The following SLC17A7 variants were observed in gnomAD, a reference collection of about 807,000 sequenced individuals.
SLC17A7 encodes vesicular glutamate transporter 1.
Under a neutral mutation model 59.1 loss-of-function variants are expected in SLC17A7, and 15 were observed. The observed-to-expected ratio is 0.25, with a 90% confidence interval of 0.17 to 0.39. The LOEUF (loss-of-function observed/expected upper bound fraction) is 0.39. Among genes scored for constraint, SLC17A7 ranks in the 10% least tolerant of loss-of-function variants. The pLI, the probability that SLC17A7 is intolerant of heterozygous loss-of-function variation, is 1.00. For synonymous variants in SLC17A7, 353 were observed against 308.9 expected (o/e 1.14, Z -1.50); for missense variants, 499 against 765.1 (o/e 0.65, Z 4.10).
At position 49,434,662 on chromosome 19, in the gene SLC17A7, T is replaced by G; in HGVS notation, c.577A>C (p.Ile193Leu). 6.2e-7 allele frequency: 1 copy of G among 1,613,948 alleles called. No individual in the cohort carries two copies. The highest frequency in any genetic ancestry group is 8.5e-7 in the Non-Finnish European group (1 of 1,179,958). The change falls in exon 5 of 12, where the codon ATC (isoleucine) becomes CTC (leucine). Residue 193 changes from isoleucine to leucine, a missense_variant. Physicochemically the swap from Ile to Leu is conservative, Grantham distance 5. Transcript: ENST00000221485. ...AAGGGTGGGGCCCATTTGCTCCAGA[T>G]CCCATGGCAGGCGGGGTATGTGACC... ...EGVTYPACHGIWSKWAPPLER... is the reference protein window; with the variant it reads ...EGVTYPACHGLWSKWAPPLER...
At position 49,430,991 on chromosome 19, in the gene SLC17A7, C is replaced by G. The variant is rs1319333425; in HGVS notation, c.1389+24G>C. On this transcript the variant is annotated intron_variant, in intron 11 of 11. Coordinates refer to ENST00000221485, the MANE Select transcript of SLC17A7 (RefSeq NM_020309.4). ...TACGAAGCACACACTTGGAGGCAGA[C>G]TGAGTCAGGACTGCGGCACCCACCT... 4 of 1,592,812 alleles carry G rather than the reference C, an allele frequency of 2.5e-6. No homozygotes were observed. The South Asian group carries it at 3.4e-5, about 13-fold the overall frequency.
At chr19:49,440,597 G>T (rs1023022173) in intron 1 of SLC17A7, among the ~76,000 whole-genome samples, 2 of 152,214 alleles carry the variant, frequency 1.3e-5, no homozygotes, top group Non-Finnish European at 2.9e-5. Flanking sequence ...CAGGGACCCA[G>T]GGTGCTGTGA....
Position 49,433,704 on chromosome 19 carries a change from C to G in SLC17A7, c.867+22G>C. 6.2e-7 allele frequency: 1 copy of G among 1,614,128 alleles called. No individual in the cohort carries two copies. The highest frequency in any genetic ancestry group is 1.1e-5 in the South Asian group (1 of 91,076). On this transcript the variant is annotated intron_variant, in intron 7 of 11. Transcript: ENST00000221485. This position sits in a 1 kb window ranked among gnomAD's most constrained non-coding sequence, Gnocchi z 5.7. ...GGCTTGCTATCTCTCCCCGCCCCTT[C>G]CCCGAAGATTTGGTCCCGGACCGTG...
At chr19:49,434,262 C>T (rs1284490624) in intron 5 of SLC17A7, among the ~76,000 whole-genome samples, 4 of 151,096 alleles carry the variant, frequency 2.6e-5, no homozygotes, top group Non-Finnish European at 5.9e-5. Flanking sequence ...AGGCCCCCAG[C>T]TCCTCCTCCC....
chr19:49,433,811 G>T lies in SLC17A7; in HGVS notation c.782C>A (p.Ala261Glu), dbSNP rs754436792. The T allele has an allele frequency of 1.2e-6, 2 of 1,613,892 alleles. No individual in the cohort carries two copies. Among genetic ancestry groups the T allele is most frequent in the Admixed American group, 1.7e-5 (1 of 60,012 alleles). Residue 261 changes from alanine (A) to glutamate (E), a missense_variant, in exon 7 of 12, where the codon GCG becomes GAG. This residue lies in a region of SLC17A7 where 323 missense variants were observed against 607.2 expected (regional missense o/e 0.53). Coordinates refer to ENST00000221485, the MANE Select transcript of SLC17A7 (RefSeq NM_020309.4). The surrounding 1 kb of genome is among the most constrained non-coding windows in gnomAD (Gnocchi z 5.7). ...CTCCTCCGAGATGCTGGGGTGCAGC[G>T]CGGGGGACTCGTAGGAGACGAGCAG... The part of the protein sequence containing the change: ...FWLLVSYESP[A>E]LHPSISEEER...
At position 49,429,409 on chromosome 19, in the gene SLC17A7, A is replaced by G. The variant is rs937520305; in HGVS notation, c.*1110T>C. On this transcript the variant is annotated 3_prime_UTR_variant, in exon 12 of 12. Transcript: ENST00000221485. The stretch of plus-strand genomic sequence containing the variant: ...CAGCCAAGAACAACTGAGCCTATAC[A>G]CCAAAGCTTTTATTGGGAGTGGGGC... The G allele has an allele frequency of 3.5e-5, 14 of 399,188 alleles. No homozygotes were observed. The highest frequency in any genetic ancestry group is 1.8e-4 in the African/African-American group (9 of 48,732). The allele number at this position is 399,188 out of a possible 1,614,324, so 24.7% of individuals were successfully genotyped here.
In SLC17A7 at chr19:49,430,372, A is replaced by G; in HGVS notation, c.*147T>C. The G allele has an allele frequency of 1.7e-6, 1 of 575,160 alleles. No homozygotes were observed. Among genetic ancestry groups the G allele is most frequent in the East Asian group, 3.1e-5 (1 of 31,916 alleles). 35.6% of individuals were successfully genotyped at this position (575,160 alleles called of 1,614,324 possible). On this transcript the variant is annotated 3_prime_UTR_variant, in exon 12 of 12. Transcript: ENST00000221485. ...CCTGAGAGGCAATTGGGAAGGAAAG[A>G]GGATTTGACAGCACTGGGAACAAGG...
At chr19:49,432,310 G>T (rs2078963632) in intron 9 of SLC17A7, among the ~76,000 whole-genome samples, 3 of 152,022 alleles carry the variant, frequency 2.0e-5, no homozygotes, top group South Asian at 4.2e-4. Flanking sequence ...CCTTCCGCGC[G>T]GTGGCCCCTT....
intron 1 of SLC17A7, 102 bp downstream of exon 1, chr19:49,441,216 T>G: frequency 1.3e-6 from 2 of 1,529,030 alleles, no homozygotes; most frequent in Non-Finnish European, 1.8e-6. Flanking sequence ...TGGACCCCCA[T>G]GCCGGGGTAT....
chr19:49,430,925 G>A lies in SLC17A7; in HGVS notation c.1389+90C>T, dbSNP rs530524415. ...GACCCAGGGAGGCTGAAAAGGCAGG[G>A]ATGGCACCCCAGAGACAGTGCCACC... On this transcript the variant is annotated intron_variant, in intron 11 of 11. Transcript: ENST00000221485. 8.4e-6 allele frequency: 13 copies of A among 1,553,914 alleles called. No homozygotes were observed. The African/African-American group carries it at 1.6e-4, about 19-fold the overall frequency.
At position 49,436,682 on chromosome 19, in the gene SLC17A7, C is replaced by T; in HGVS notation, c.182G>A (p.Arg61His). 3 of 1,613,854 alleles carry T rather than the reference C, an allele frequency of 1.9e-6. No homozygotes were observed. The highest frequency in any genetic ancestry group is 1.7e-6 in the Non-Finnish European group (2 of 1,179,982). The change falls in exon 2 of 12, where the codon CGC becomes CAC. Residue 61 changes from arginine (R) to histidine (H), a missense_variant. Physicochemically the swap from Arg to His is conservative, Grantham distance 29 (BLOSUM62 0). Around this residue, in one of 3 missense-constraint regions of SLC17A7, gnomAD observed 323 missense variants for 607.2 expected, o/e 0.53. Coordinates refer to ENST00000221485, the MANE Select transcript of SLC17A7 (RefSeq NM_020309.4). This position sits in a 1 kb window ranked among gnomAD's most constrained non-coding sequence, Gnocchi z 4.1. ...VVDCTCFGLP[R>H]RYIIAIMSGL... The stretch of plus-strand genomic sequence containing the variant: ...ACTCATGATGGCGATAATGTAGCGG[C>T]GAGGGAGGCCGAAGCAGGTGCAGTC...
In SLC17A7 at chr19:49,436,674, T is replaced by C. The variant is rs150068240; in HGVS notation, c.190A>G (p.Ile64Val). 9.0e-5 allele frequency: 146 copies of C among 1,613,820 alleles called. No homozygotes were observed. Among genetic ancestry groups the C allele is most frequent in the Non-Finnish European group, 1.2e-4 (137 of 1,179,972 alleles). Reference sequence around the variant, plus strand: ...CCCAGACCACTCATGATGGCGATAATGTAGCGGCGAGGGAGGCCGAAGCAG... The same window carrying C: ...CCCAGACCACTCATGATGGCGATAACGTAGCGGCGAGGGAGGCCGAAGCAG... ...CTCFGLPRRYIIAIMSGLGFC... is the reference protein window; with the variant it reads ...CTCFGLPRRYVIAIMSGLGFC... Residue 64 changes from isoleucine to valine, a missense_variant, in exon 2 of 12, where the codon ATT (isoleucine) becomes GTT (valine). By Grantham distance (29) the Ile-to-Val change is conservative (BLOSUM62 3). This residue lies in a region of SLC17A7 where 323 missense variants were observed against 607.2 expected (regional missense o/e 0.53). Coordinates refer to ENST00000221485, the MANE Select transcript of SLC17A7 (RefSeq NM_020309.4). This position sits in a 1 kb window ranked among gnomAD's most constrained non-coding sequence, Gnocchi z 4.1.
chr19:49,433,401 C>T lies in SLC17A7; in HGVS notation c.867+325G>A. On this transcript the variant is annotated intron_variant, in intron 7 of 11. Transcript: ENST00000221485. The surrounding 1 kb of genome is among the most constrained non-coding windows in gnomAD (Gnocchi z 5.7). Reference sequence around the variant, plus strand: ...AAGCCACTGAGCCTGCCCTAGGAGTCTCTTTTTATCAAAAATGCTCCCAAA... The same window carrying T: ...AAGCCACTGAGCCTGCCCTAGGAGTTTCTTTTTATCAAAAATGCTCCCAAA... The T allele has an allele frequency of 2.1e-6, 1 of 473,106 alleles. No homozygotes were observed. The highest frequency in any genetic ancestry group is 3.9e-6 in the Non-Finnish European group (1 of 255,478). 29.3% of individuals were successfully genotyped at this position (473,106 alleles called of 1,614,324 possible).
Position 49,436,612 on chromosome 19 carries a change from G to C in SLC17A7, c.252C>G (p.Gly84=), listed in dbSNP as rs778279990. The C allele has an allele frequency of 1.9e-6, 3 of 1,614,000 alleles. No individual in the cohort carries two copies. Among genetic ancestry groups the C allele is most frequent in the South Asian group, 2.2e-5 (2 of 91,078 alleles). Residue 84 remains glycine (G), a synonymous_variant, in exon 2 of 12, where the codon GGC becomes GGG. Transcript: ENST00000221485. The surrounding 1 kb of genome is among the most constrained non-coding windows in gnomAD (Gnocchi z 4.1). ...TATTGACCATGGAGACGATGGCCAC[G>C]CCCAGGTTGCAGCGGATGCCAAAGC... ...CISFGIRCNL[G]VAIVSMVNNS... is the part of the protein sequence containing the mutation.
intron 1 of SLC17A7, chr19:49,437,544 AG>A (rs1354563019): frequency 6.5e-6 from 1 of 153,300 alleles, no homozygotes; most frequent in Non-Finnish European, 1.4e-5. Context: ...GCCTTCAGAC[AG>A]GTGGAGAAAG....
Position 49,433,206 on chromosome 19 carries a change from CG to C in SLC17A7, c.868-247del. 1 of 553,346 alleles carries C rather than the reference CG, an allele frequency of 1.8e-6. No homozygotes were observed. Among genetic ancestry groups the C allele is most frequent in the East Asian group, 3.1e-5 (1 of 32,138 alleles). 34.3% of individuals were successfully genotyped at this position (553,346 alleles called of 1,614,324 possible). A position where few individuals can be genotyped will look rare whatever the true frequency, so the allele number is the denominator to read the frequency against. On this transcript the variant is annotated intron_variant, in intron 7 of 11. Coordinates refer to ENST00000221485, the MANE Select transcript of SLC17A7 (RefSeq NM_020309.4). This position sits in a 1 kb window ranked among gnomAD's most constrained non-coding sequence, Gnocchi z 5.7. ...GTAGCCTCTCAGGTCCGCAGGTGTCCGGGCCCCTCAGGGACCTGTCTTTTTC... is the reference window on the plus strand; with the variant it reads ...GTAGCCTCTCAGGTCCGCAGGTGTCCGGCCCCTCAGGGACCTGTCTTTTTC...
chr19:49,433,617 C>T lies in SLC17A7; in HGVS notation c.867+109G>A, dbSNP rs767626384. The T allele has an allele frequency of 2.7e-6, 4 of 1,500,130 alleles. No homozygotes were observed. In the East Asian group the frequency reaches 9.3e-5, roughly 35 times the overall value. 92.9% of individuals were successfully genotyped at this position (1,500,130 alleles called of 1,614,324 possible). A position where few individuals can be genotyped will look rare whatever the true frequency, so the allele number is the denominator to read the frequency against. Reference sequence around the variant, plus strand: ...GGTTCTAGCCCCTCTCTTTGCGTTCCAGTCCCGTCTCCTCTAGAGTCTGCA... The same window carrying T: ...GGTTCTAGCCCCTCTCTTTGCGTTCTAGTCCCGTCTCCTCTAGAGTCTGCA... On this transcript the variant is annotated intron_variant, in intron 7 of 11. Coordinates refer to ENST00000221485, the MANE Select transcript of SLC17A7 (RefSeq NM_020309.4). The surrounding 1 kb of genome is among the most constrained non-coding windows in gnomAD (Gnocchi z 5.7).
chr19:49,434,757 C>T lies in SLC17A7; in HGVS notation c.549+11G>A. ...CGAGCGAGGGCAGGGTCATATCAGGCGGGGATTTACCTCTACCAACCCCTG... is the reference window on the plus strand; with the variant it reads ...CGAGCGAGGGCAGGGTCATATCAGGTGGGGATTTACCTCTACCAACCCCTG... On this transcript the variant is annotated intron_variant, in intron 4 of 11. Coordinates refer to ENST00000221485, the MANE Select transcript of SLC17A7 (RefSeq NM_020309.4). 6.2e-7 allele frequency: 1 copy of T among 1,614,054 alleles called. No homozygotes were observed. Among genetic ancestry groups the T allele is most frequent in the Non-Finnish European group, 8.5e-7 (1 of 1,179,940 alleles).
rs148893780 is a variant in SLC17A7, at chr19:49,434,618, C to T, written c.621G>A (p.Ala207=). ...WAPPLERSRL[A]TTAFCGSYAG... ...TCCTCTCACCACAAAAGGCTGTCGT[C>T]GCCAGGCGACTCCGTTCTAAGGGTG... The change falls in exon 5 of 12, where the codon GCG becomes GCA. Residue 207 remains alanine (A), a synonymous_variant. Transcript: ENST00000221485. The T allele has an allele frequency of 2.5e-5, 40 of 1,602,250 alleles. No homozygotes were observed. In the African/African-American group the frequency reaches 5.1e-4, roughly 21 times the overall value.
Sources: allele counts gnomAD v4.1 joint callset (sites outside exome capture counted in the v4.1 genomes callset), GRCh38; gene constraint gnomAD v4.1.1; regional missense constraint gnomAD v4.1.1; non-coding constraint Gnocchi (gnomAD v3.1); transcripts MANE v1.5; gene names NCBI Gene and HGNC (gene_info 2026-07-23, HGNC 2026-07-21).